The following STIM1 variants were observed in gnomAD, a reference collection of about 807,000 sequenced individuals.
The protein encoded by STIM1 is stromal interaction molecule 1.
STIM1 carries 25 observed loss-of-function variants against 74.7 expected under a neutral mutation model. That is an observed-to-expected ratio of 0.33 (90% CI 0.24 to 0.47). The LOEUF (loss-of-function observed/expected upper bound fraction) is 0.47, where lower values mean the gene tolerates loss of function less well. Among genes scored for constraint, STIM1 ranks in the 20% least tolerant of loss-of-function variants. The pLI, the probability that STIM1 is intolerant of heterozygous loss-of-function variation, is 1.00. For synonymous variants in STIM1, 328 were observed against 348.8 expected (o/e 0.94, Z 0.66); for missense variants, 728 against 920.8 (o/e 0.79, Z 2.71).
chr11:4,055,655 T>G lies in STIM1; in HGVS notation c.497+18T>G, dbSNP rs531842584. 1 of 1,553,398 alleles carries G rather than the reference T, an allele frequency of 6.4e-7. No individual in the cohort carries two copies. The highest frequency in any genetic ancestry group is 1.4e-5 in the African/African-American group (1 of 73,690). ...ATGCCAAGGTCAGGAGGGGACTGGG[T>G]TTTTCTCTGTTGAGGGTACGGGGAA... On this transcript the variant is annotated intron_variant, in intron 4 of 12. Transcript: ENST00000526596.
At chr11:3,881,273 A>G (rs2091489831) in intron 1 of STIM1, among the ~76,000 whole-genome samples, 1 of 152,010 alleles carries the variant, frequency 6.6e-6, no homozygotes, top group Admixed American at 6.5e-5. Flanking sequence ...GGCAGCCATC[A>G]ATCTGTGTAT....
chr11:3,909,446 A>G lies in STIM1; in HGVS notation c.139+53037A>G, dbSNP rs562483812. 4.6e-5 allele frequency among the ~76,000 whole-genome samples: 7 copies of G among 152,274 alleles called. No homozygotes were observed. The South Asian group carries it at 1.2e-3, about 27-fold the overall frequency. ...GAAGTCCTGGGCTTATGAGAGACCC[A>G]GGCAGAGGAAGCAGAAGCAGATATA... On this transcript the variant is annotated intron_variant, in intron 1 of 12. Transcript: ENST00000526596.
intron 3 of STIM1, among the ~76,000 whole-genome samples, chr11:4,030,862 A>G (rs1449084142): frequency 6.6e-6 from 1 of 152,220 alleles, no homozygotes; most frequent in African/African-American, 2.4e-5. Context: ...CTCCGATGAT[A>G]CTACCTTAGC....
At chr11:3,871,410 C>T (rs2091091751) in intron 1 of STIM1, among the ~76,000 whole-genome samples, 1 of 151,998 alleles carries the variant, frequency 6.6e-6, no homozygotes, top group Non-Finnish European at 1.5e-5. Context: ...TACACAAGTT[C>T]CTAAGTTCTT....
intron 1 of STIM1, among the ~76,000 whole-genome samples, chr11:3,916,117 A>G (rs914247228): frequency 1.3e-5 from 2 of 152,194 alleles, no homozygotes; most frequent in Non-Finnish European, 2.9e-5. Context: ...AGCCAAGGTT[A>G]TGAAGATTTA....
chr11:3,961,782 A>G (rs2093288402), intron 1 of STIM1, among the ~76,000 whole-genome samples: 1 of 152,112 alleles, frequency 6.6e-6, no homozygotes. Context: ...TGCTGGGATT[A>G]CAGGCGTGAG....
At chr11:3,978,027 A>G (rs2093465496) in intron 2 of STIM1, among the ~76,000 whole-genome samples, 1 of 152,090 alleles carries the variant, frequency 6.6e-6, no homozygotes, top group African/African-American at 2.4e-5. Flanking sequence ...AGGCAGAGGT[A>G]GTTCTGTTTT....
At chr11:3,967,958 G>T (rs545440995) in intron 2 of STIM1, among the ~76,000 whole-genome samples, 1 of 152,272 alleles carries the variant, frequency 6.6e-6, no homozygotes, top group South Asian at 2.1e-4. Context: ...GTTTGGGAGG[G>T]AGAGAGATCC....
At chr11:3,891,822 A>G (rs2091903941) in intron 1 of STIM1, among the ~76,000 whole-genome samples, 1 of 152,208 alleles carries the variant, frequency 6.6e-6, no homozygotes, top group Non-Finnish European at 1.5e-5. Context: ...ATGAGCAAAC[A>G]TTTTCTGTGG....
chr11:4,021,348 A>G (rs548897649), intron 2 of STIM1, among the ~76,000 whole-genome samples: 2 of 151,924 alleles, frequency 1.3e-5, no homozygotes, highest in African/African-American at 4.8e-5. Flanking sequence ...CTGGTCTCCA[A>G]CTCCCAGCTT....
chr11:3,950,420 C>T (rs1565125468), intron 1 of STIM1, among the ~76,000 whole-genome samples: 1 of 152,218 alleles, frequency 6.6e-6, no homozygotes, highest in Admixed American at 6.5e-5. Flanking sequence ...GCATGAGCCA[C>T]TGTGCCTGGC....
intron 5 of STIM1, among the ~76,000 whole-genome samples, chr11:4,061,620 A>G (rs1590683179): frequency 6.6e-6 from 1 of 152,196 alleles, no homozygotes; most frequent in Non-Finnish European, 1.5e-5. Flanking sequence ...GTTACCCTAG[A>G]ACCTAGCAAT....
In STIM1 at chr11:3,856,013, G is replaced by A. The variant is rs1188023687; in HGVS notation, c.-258G>A. The A allele has an allele frequency of 3.0e-5, 16 of 536,342 alleles. No homozygotes were observed. Among genetic ancestry groups the A allele is most frequent in the Non-Finnish European group, 5.1e-5 (15 of 295,982 alleles). The allele number at this position is 536,342 out of a possible 1,614,324, so 33.2% of individuals were successfully genotyped here. A position where few individuals can be genotyped will look rare whatever the true frequency, so the allele number is the denominator to read the frequency against. On this transcript the variant is annotated 5_prime_UTR_variant, in exon 1 of 13. Coordinates refer to ENST00000526596, the MANE Select transcript of STIM1 (RefSeq NM_001382567.1). ...GCAGCCACCCTGCCCGAAGTCTCCG[G>A]AAGCGGCACGAGCTCAGGCCGCCGC...
intron 8 of STIM1, 144 bp downstream of exon 8, chr11:4,082,495 G>T: frequency 1.1e-6 from 1 of 907,088 alleles, no homozygotes; most frequent in Non-Finnish European, 1.7e-6. Flanking sequence ...CTTTCCTAAT[G>T]TTCAGCTCCT....
At chr11:3,879,182 C>T (rs1394166585) in intron 1 of STIM1, among the ~76,000 whole-genome samples, 2 of 152,188 alleles carry the variant, frequency 1.3e-5, no homozygotes, top group Non-Finnish European at 2.9e-5. Context: ...TCTCGAACTC[C>T]TGACCTCAGG....
At chr11:4,056,098 T>C (rs1330311313) in intron 4 of STIM1, among the ~76,000 whole-genome samples, 1 of 152,188 alleles carries the variant, frequency 6.6e-6, no homozygotes, top group Non-Finnish European at 1.5e-5. Context: ...CTTTTTTTCC[T>C]GTGCCCTGAG....
chr11:3,866,074 C>T (rs890761118), intron 1 of STIM1, among the ~76,000 whole-genome samples: 1 of 152,178 alleles, frequency 6.6e-6, no homozygotes, highest in East Asian at 1.9e-4. Context: ...GTGGTGGTTG[C>T]TTTCCTGACA....
intron 6 of STIM1, among the ~76,000 whole-genome samples, chr11:4,071,123 G>C (rs1357722810): frequency 6.6e-6 from 1 of 152,218 alleles, no homozygotes; most frequent in African/African-American, 2.4e-5. Context: ...GGTGGGGTCA[G>C]ATCCCTGGAA....
At chr11:3,996,405 A>G (rs762404305) in intron 2 of STIM1, among the ~76,000 whole-genome samples, 3 of 152,152 alleles carry the variant, frequency 2.0e-5, no homozygotes, top group East Asian at 1.9e-4. Context: ...CTCTCGTCCT[A>G]TGAGTGGGGT....
Sources: gnomAD v4.1 joint callset for allele counts (sites outside exome capture counted in the v4.1 genomes callset) on GRCh38, gnomAD v4.1.1 for gene constraint, MANE v1.5 for transcripts, NCBI Gene and HGNC (gene_info 2026-07-23, HGNC 2026-07-21) for gene names.